Variants in NIPSNAP1 observed in about 807,000 individuals in gnomAD.
NIPSNAP1 encodes protein NipSnap homolog 1.
NIPSNAP1 carries 25 observed loss-of-function variants against 49.2 expected under a neutral mutation model. The ratio of observed to expected loss-of-function variants is 0.51; its 90% CI spans 0.37 to 0.71. The LOEUF (loss-of-function observed/expected upper bound fraction) is 0.71. NIPSNAP1 is among the 30% of genes least tolerant of loss of function. NIPSNAP1 has a pLI of 0.00. For missense variants in NIPSNAP1, 294 were observed against 361.0 expected, an observed-to-expected ratio of 0.81 and a Z score of 1.50; for synonymous variants, 143 against 140.7, an observed-to-expected ratio of 1.02 and a Z score of -0.12.
At chr22:29,564,330 A>G (rs1303876372) in intron 4 of NIPSNAP1, 1 of 470,706 alleles carries the variant, frequency 2.1e-6, no homozygotes, top group Non-Finnish European at 4.4e-6. Flanking sequence ...GGAAATGGCA[A>G]AAGTACTGTA....
At chr22:29,577,691 GGT>G (rs752163633) in intron 1 of NIPSNAP1, among the ~76,000 whole-genome samples, 2 of 150,928 alleles carry the variant, frequency 1.3e-5, no homozygotes, top group Non-Finnish European at 2.9e-5. Flanking sequence ...TGGGATTACA[GGT>G]GTGAGCCAAC....
At chr22:29,562,777 A>G (rs942240284) in intron 4 of NIPSNAP1, among the ~76,000 whole-genome samples, 1 of 151,996 alleles carries the variant, frequency 6.6e-6, no homozygotes, top group Non-Finnish European at 1.5e-5. Context: ...CTTACTTTGC[A>G]TGGAAAACTC....
intron 1 of NIPSNAP1, among the ~76,000 whole-genome samples, chr22:29,580,409 G>T (rs1800397894): frequency 6.6e-6 from 1 of 152,224 alleles, no homozygotes; most frequent in South Asian, 2.1e-4. Context: ...CCAGTTGGGT[G>T]CAAAGTGCAT....
At chr22:29,563,477 A>C (rs1235227986) in intron 4 of NIPSNAP1, among the ~76,000 whole-genome samples, 1 of 152,146 alleles carries the variant, frequency 6.6e-6, no homozygotes, top group Non-Finnish European at 1.5e-5. Context: ...TGGTGAGCTG[A>C]GATCGCACCA....
At chr22:29,558,120 A>G (rs2146600193) in intron 9 of NIPSNAP1, among the ~76,000 whole-genome samples, 2 of 152,256 alleles carry the variant, frequency 1.3e-5, no homozygotes, top group East Asian at 1.9e-4. Flanking sequence ...ACCTTATTCA[A>G]AAACATTTCC....
At chr22:29,559,315 T>C (rs1601487156) in intron 8 of NIPSNAP1, among the ~76,000 whole-genome samples, 1 of 152,056 alleles carries the variant, frequency 6.6e-6, no homozygotes, top group Non-Finnish European at 1.5e-5. Context: ...CCGAGGCTGG[T>C]GGACTGCTTG....
In NIPSNAP1 at chr22:29,555,063, A is replaced by C. The variant is rs2064279309; in HGVS notation, c.*872T>G. 6.6e-6 allele frequency: 1 copy of C among 152,642 alleles called. No individual in the cohort carries two copies. Among genetic ancestry groups the C allele is most frequent in the East Asian group, 1.9e-4 (1 of 5,334 alleles). The allele number at this position is 152,642 out of a possible 1,614,324, so 9.5% of individuals were successfully genotyped here. On this transcript the variant is annotated 3_prime_UTR_variant, in exon 10 of 10. Coordinates refer to ENST00000216121, the MANE Select transcript of NIPSNAP1 (RefSeq NM_003634.4). ...GGGTCTAGCTTGTATATTTGCCTGC[A>C]GGAAGGAGGGAGGGCAGGAGAGACT... is the stretch of plus-strand genomic sequence containing the variant.
chr22:29,570,854 C>T (rs1235229372), intron 1 of NIPSNAP1, among the ~76,000 whole-genome samples: 2 of 152,062 alleles, frequency 1.3e-5, no homozygotes, highest in African/African-American at 4.8e-5. Context: ...GGTCATATAA[C>T]TCCAGCCTCT....
At chr22:29,565,204 A>G (rs767993987) in intron 4 of NIPSNAP1, among the ~76,000 whole-genome samples, 1 of 151,374 alleles carries the variant, frequency 6.6e-6, no homozygotes, top group Non-Finnish European at 1.5e-5. Flanking sequence ...ACCCTGTCCC[A>G]AACAGAAAAA....
At chr22:29,570,115 T>C in intron 3 of NIPSNAP1, 47 bp downstream of exon 3, 1 of 1,562,854 alleles carries the variant, frequency 6.4e-7, no homozygotes, top group East Asian at 2.2e-5. Flanking sequence ...TGAAAGTGTG[T>C]TCCCCACCCA....
In NIPSNAP1 at chr22:29,555,221, T is replaced by G. The variant is rs189398707; in HGVS notation, c.*714A>C. On this transcript the variant is annotated 3_prime_UTR_variant, in exon 10 of 10. Coordinates refer to ENST00000216121, the MANE Select transcript of NIPSNAP1 (RefSeq NM_003634.4). ...TGGTCTTTTGTCATCTCTGTTCTTC[T>G]TCCCAATTCTGTATTCCAGATTCCA... 1 of 152,768 alleles carries G rather than the reference T, an allele frequency of 6.5e-6. No homozygotes were observed. The highest frequency in any genetic ancestry group is 6.5e-5 in the Admixed American group (1 of 15,368). 9.5% of individuals were successfully genotyped at this position (152,768 alleles called of 1,614,324 possible).
chr22:29,577,007 C>G (rs2064457764), intron 1 of NIPSNAP1, among the ~76,000 whole-genome samples: 1 of 151,174 alleles, frequency 6.6e-6, no homozygotes, highest in South Asian at 2.1e-4. Flanking sequence ...ACACCAACAG[C>G]AGAACTAGTG....
At chr22:29,556,150 A>T (rs1036188855) in intron 9 of NIPSNAP1, 151 bp from the exon 10 acceptor site, 2 of 659,008 alleles carry the variant, frequency 3.0e-6, no homozygotes, top group Non-Finnish European at 5.6e-6. Context: ...GGAAGGGCCC[A>T]TGAAGAGCAC....
chr22:29,562,357 G>A (rs958546292), intron 4 of NIPSNAP1, among the ~76,000 whole-genome samples: 6 of 152,214 alleles, frequency 3.9e-5, no homozygotes, highest in Non-Finnish European at 8.8e-5. Flanking sequence ...TACCTCATGT[G>A]TTGAGGTGGC....
intron 8 of NIPSNAP1, 67 bp from the exon 9 acceptor site, chr22:29,559,020 C>G: frequency 8.7e-7 from 1 of 1,154,972 alleles, no homozygotes; most frequent in South Asian, 1.2e-5. Context: ...GCACAGGGCC[C>G]TCTTCCCACT....
intron 4 of NIPSNAP1, 49 bp downstream of exon 4, chr22:29,569,144 A>G: frequency 6.7e-7 from 1 of 1,492,946 alleles, no homozygotes; most frequent in South Asian, 1.1e-5. Flanking sequence ...AAGGTGCTGG[A>G]GGCCAGGGCT....
chr22:29,575,720 T>TG (rs1448884979), intron 1 of NIPSNAP1, among the ~76,000 whole-genome samples: 1 of 151,898 alleles, frequency 6.6e-6, no homozygotes, highest in African/African-American at 2.4e-5. Flanking sequence ...GTTTTTTTTT[T>TG]TTTGTTTTGT....
At chr22:29,560,615 T>C (rs2064328495) in intron 8 of NIPSNAP1, 119 bp downstream of exon 8, 1 of 819,860 alleles carries the variant, frequency 1.2e-6, no homozygotes, top group South Asian at 1.4e-5. Context: ...ACATCTAAGA[T>C]AGTGTCTCCT....
At chr22:29,578,387 G>A (rs958345677) in intron 1 of NIPSNAP1, among the ~76,000 whole-genome samples, 1 of 151,208 alleles carries the variant, frequency 6.6e-6, no homozygotes, top group Admixed American at 6.6e-5. Flanking sequence ...GCCCAGGCTG[G>A]TCTCAAACTC....
Sources: gnomAD v4.1 joint callset for allele counts (sites outside exome capture counted in the v4.1 genomes callset) on GRCh38, gnomAD v4.1.1 for gene constraint, MANE v1.5 for transcripts, NCBI Gene and HGNC (gene_info 2026-07-23, HGNC 2026-07-21) for gene names.